The following NAV3 variants were observed in gnomAD, a reference collection of about 807,000 sequenced individuals.
The protein encoded by NAV3 is pore membrane and/or filament interacting like protein 1.
In NAV3, 87 loss-of-function variants were observed where a neutral mutation model predicts 244.7. The observed-to-expected ratio is 0.36, with a 90% CI of 0.30 to 0.42. The LOEUF is 0.42. Ranked by LOEUF, NAV3 falls within the 20% of genes least tolerant of loss-of-function variation. NAV3 has a pLI of 1.00. For synonymous variants in NAV3, 1,126 were observed against 1,042.2 expected (o/e 1.08, Z -1.55); for missense variants, 2,663 against 2,893.3 (o/e 0.92, Z 1.83).
intron 2 of NAV3, among the ~76,000 whole-genome samples, chr12:77,766,735 GTTTTTTTT>G (rs748531378): frequency 6.4e-4 from 39 of 60,508 alleles, no homozygotes; most frequent in South Asian, 4.2e-3. Context: ...AGGCAATTAA[GTTTTTTTT>G]TTTTTTTTTT....
chr12:77,682,261 T>G (rs1456977123), intron 2 of NAV3, among the ~76,000 whole-genome samples: 2 of 152,214 alleles, frequency 1.3e-5, no homozygotes, highest in Non-Finnish European at 2.9e-5. Context: ...GTATTTATCT[T>G]TCTGTGGCTG....
chr12:77,895,579 T>C (rs1052898961), intron 1 of NAV3, among the ~76,000 whole-genome samples: 4 of 152,130 alleles, frequency 2.6e-5, no homozygotes, highest in Admixed American at 6.6e-5. Context: ...AGTTCTCTAA[T>C]TGGAAACTTT....
At chr12:78,189,962 A>G (rs1565782725) in intron 33 of NAV3, 22 bp from the exon 34 acceptor site, 2 of 1,551,432 alleles carry the variant, frequency 1.3e-6, no homozygotes, top group Admixed American at 1.7e-5. Flanking sequence ...AAATCATGCT[A>G]TTTTTTTGTT....
At chr12:78,049,617 T>C (rs1882428541) in intron 9 of NAV3, among the ~76,000 whole-genome samples, 1 of 152,164 alleles carries the variant, frequency 6.6e-6, no homozygotes, top group African/African-American at 2.4e-5. Context: ...TCTGTGTTGA[T>C]CTCACTGGGA....
intron 12 of NAV3, among the ~76,000 whole-genome samples, chr12:78,064,708 G>A (rs911661567): frequency 6.6e-6 from 1 of 152,038 alleles, no homozygotes; most frequent in African/African-American, 2.4e-5. Flanking sequence ...TATAAGGTCA[G>A]TCACTATATA....
intron 2 of NAV3, among the ~76,000 whole-genome samples, chr12:77,656,346 C>A (rs575742815): frequency 2.5e-4 from 31 of 124,900 alleles, no homozygotes; most frequent in African/African-American, 1.1e-3. Context: ...CAACAAAGAT[C>A]AAAAGAGACA....
At chr12:77,741,172 GAAAGAA>G (rs1405219153) in intron 2 of NAV3, among the ~76,000 whole-genome samples, 9 of 86,130 alleles carry the variant, frequency 1.0e-4, no homozygotes, top group Non-Finnish European at 1.5e-4. Flanking sequence ...AAAAAGAAAA[GAAAGAA>G]AAAGAAAAAG....
At chr12:77,855,589 C>G (rs1214059798) in intron 1 of NAV3, among the ~76,000 whole-genome samples, 1 of 152,144 alleles carries the variant, frequency 6.6e-6, no homozygotes, top group Non-Finnish European at 1.5e-5. Context: ...TCTGGACTGG[C>G]CTTGGAATTT....
intron 2 of NAV3, among the ~76,000 whole-genome samples, chr12:77,765,879 G>GA (rs1310768331): frequency 6.6e-6 from 1 of 151,972 alleles, no homozygotes; most frequent in East Asian, 1.9e-4. Context: ...AAAACAAGAA[G>GA]AAAAAATATA....
intron 2 of NAV3, among the ~76,000 whole-genome samples, chr12:77,644,353 G>A (rs1198641109): frequency 6.6e-6 from 1 of 152,080 alleles, no homozygotes; most frequent in Non-Finnish European, 1.5e-5. Flanking sequence ...AAGTCTTGGA[G>A]AAGCCTGTTT....
chr12:77,611,109 A>G (rs1212213565), intron 2 of NAV3, among the ~76,000 whole-genome samples: 1 of 151,906 alleles, frequency 6.6e-6, no homozygotes, highest in Non-Finnish European at 1.5e-5. Flanking sequence ...TGAAATGCCA[A>G]TGTAAAAAAA....
chr12:77,738,019 A>G (rs1024885708), intron 2 of NAV3, among the ~76,000 whole-genome samples: 2 of 152,070 alleles, frequency 1.3e-5, no homozygotes, highest in Non-Finnish European at 2.9e-5. Flanking sequence ...GCATCCTTCA[A>G]GAATATTTCC....
intron 2 of NAV3, among the ~76,000 whole-genome samples, chr12:77,723,188 G>A (rs1427040092): frequency 2.0e-5 from 3 of 151,990 alleles, no homozygotes; most frequent in African/African-American, 4.8e-5. Flanking sequence ...GGTACTGGGA[G>A]ATGGTGTGAT....
At chr12:77,820,692 C>G (rs1163171977) in intron 2 of NAV3, among the ~76,000 whole-genome samples, 1 of 152,072 alleles carries the variant, frequency 6.6e-6, no homozygotes, top group Non-Finnish European at 1.5e-5. Flanking sequence ...ATCGCACACT[C>G]TACCAGTGTG....
chr12:77,908,679 AT>A (rs1886261603), intron 1 of NAV3, among the ~76,000 whole-genome samples: 1 of 152,108 alleles, frequency 6.6e-6, no homozygotes, highest in African/African-American at 2.4e-5. Context: ...CTTAGAGATC[AT>A]TAAAATATCT....
intron 20 of NAV3, among the ~76,000 whole-genome samples, 154 bp from the exon 21 acceptor site, chr12:78,146,215 G>C (rs918142564): frequency 6.6e-6 from 1 of 151,882 alleles, no homozygotes; most frequent in African/African-American, 2.4e-5. Flanking sequence ...TAACTTGCTT[G>C]TACTATTTCA....
At chr12:77,769,704 G>T (rs1322404999) in intron 2 of NAV3, among the ~76,000 whole-genome samples, 1 of 152,116 alleles carries the variant, frequency 6.6e-6, no homozygotes, top group Non-Finnish European at 1.5e-5. Flanking sequence ...TGATGCCAAG[G>T]TATGAAATAA....
Position 77,677,449 on chromosome 12 carries a change from A to T in NAV3, c.72+105183A>T, listed in dbSNP as rs557960618. ...GCCCGGTTGTTGTTGCCATCTTAAA[A>T]TTCTTAATTTTTAAACAAGGGTCCC... On this transcript the variant is annotated intron_variant, in intron 2 of 8. Coordinates refer to the NAV3 transcript ENST00000550042. 5.9e-5 allele frequency among the ~76,000 whole-genome samples: 9 copies of T among 152,356 alleles called. No individual in the cohort carries two copies. The East Asian group carries it at 1.7e-3, about 29-fold the overall frequency.
At chr12:78,168,256 T>G (rs1031454994) in intron 23 of NAV3, among the ~76,000 whole-genome samples, 24 of 151,734 alleles carry the variant, frequency 1.6e-4, no homozygotes, top group African/African-American at 5.8e-4. Context: ...AAGTTCCAGG[T>G]TTTACACTTA....
Sources: gnomAD v4.1 joint callset for allele counts (sites outside exome capture counted in the v4.1 genomes callset) on GRCh38, gnomAD v4.1.1 for gene constraint, MANE v1.5 for transcripts, NCBI Gene and HGNC (gene_info 2026-07-23, HGNC 2026-07-21) for gene names.